Variants in COG6 observed in about 807,000 individuals in gnomAD.
COG6 encodes the protein conserved oligomeric Golgi complex subunit 6.
A neutral mutation model predicts 88.8 loss-of-function variants in COG6; 74 were observed. That is an observed-to-expected ratio of 0.83 (90% CI 0.69 to 1.01). The LOEUF (loss-of-function observed/expected upper bound fraction) is 1.01, where lower values mean the gene tolerates loss of function less well. Ranked by LOEUF, COG6 falls within the 50% of genes least tolerant of loss-of-function variation. The probability of loss-of-function intolerance (pLI) is 0.00; values close to 1 mark genes in which losing one functional copy is unlikely to be tolerated. For synonymous variants in COG6, 286 were observed against 278.7 expected (o/e 1.03, Z -0.26); for missense variants, 800 against 797.9 (o/e 1.00, Z -0.03).
chr13:39,719,950 G>C (rs1878761058), intron 15 of COG6, 123 bp downstream of exon 15: 1 of 704,426 alleles, frequency 1.4e-6, no homozygotes, highest in Non-Finnish European at 2.5e-6. Context: ...GATATCATCT[G>C]ATGAAAGGAC....
In COG6 at chr13:39,719,785, A is replaced by G. The variant is rs374170693; in HGVS notation, c.1542A>G (p.Leu514=). 18 of 1,612,614 alleles carry G rather than the reference A, an allele frequency of 1.1e-5. No individual in the cohort carries two copies. Among genetic ancestry groups the G allele is most frequent in the Non-Finnish European group, 1.4e-5 (17 of 1,179,104 alleles). The change falls in exon 15 of 19, where the codon CTA becomes CTG. Residue 514 remains leucine (L), a synonymous_variant. Coordinates refer to ENST00000455146, the MANE Select transcript of COG6 (RefSeq NM_020751.3). ...SLYMMKTTLA[L]FEFTDRRLEM... ...ATATGATGAAGACAACATTAGCTCT[A>G]TTTGAATTCACTGACAGACGTCTGG...
chr13:39,711,934 A>G (rs543962139), intron 13 of COG6, among the ~76,000 whole-genome samples: 1 of 152,222 alleles, frequency 6.6e-6, no homozygotes, highest in East Asian at 1.9e-4. Flanking sequence ...ATCTCACCTC[A>G]CTACAACCTC....
intron 18 of COG6, among the ~76,000 whole-genome samples, chr13:39,742,124 A>G (rs1256951377): frequency 6.6e-6 from 1 of 152,224 alleles, no homozygotes; most frequent in East Asian, 1.9e-4. Flanking sequence ...GGAAAGGAAC[A>G]GCCGGTACCA....
chr13:39,789,869 A>C (rs1471986639), exon 19 of COG6: 1 of 153,068 alleles, frequency 6.5e-6, no homozygotes, highest in Non-Finnish European at 1.5e-5. Context: ...TGAGAAGAAA[A>C]AAAGAAAATT....
chr13:39,741,494 A>G (rs1438027951), intron 18 of COG6, among the ~76,000 whole-genome samples: 1 of 152,198 alleles, frequency 6.6e-6, no homozygotes. Context: ...GATCAAGTGG[A>G]AGAAAGGGTA....
At chr13:39,765,615 C>A (rs1340430797) in intron 18 of COG6, among the ~76,000 whole-genome samples, 2 of 151,832 alleles carry the variant, frequency 1.3e-5, no homozygotes, top group Admixed American at 6.6e-5. Context: ...AATGTGAATC[C>A]TTTTTTTAAC....
In COG6 at chr13:39,751,265, A is replaced by T. The variant is rs1336887996; in HGVS notation, c.*172A>T. On this transcript the variant is annotated 3_prime_UTR_variant, in exon 19 of 19. Coordinates refer to ENST00000455146, the MANE Select transcript of COG6 (RefSeq NM_020751.3). ...TGGTCTCAGTAACAGGGAAGTAAGT[A>T]ACATGTTGACCTGAGCTAGTATTGC... 6.6e-7 allele frequency: 1 copy of T among 1,514,738 alleles called. No individual in the cohort carries two copies. The highest frequency in any genetic ancestry group is 8.8e-7 in the Non-Finnish European group (1 of 1,135,840). 93.8% of individuals were successfully genotyped at this position (1,514,738 alleles called of 1,614,324 possible).
chr13:39,773,474 G>A (rs201725577), intron 18 of COG6, among the ~76,000 whole-genome samples: 1 of 152,146 alleles, frequency 6.6e-6, no homozygotes, highest in Non-Finnish European at 1.5e-5. Context: ...TAGAAGCTGC[G>A]TATGTTTTAC....
At chr13:39,700,113 T>C (rs1877494999) in intron 13 of COG6, among the ~76,000 whole-genome samples, 1 of 151,918 alleles carries the variant, frequency 6.6e-6, no homozygotes, top group Non-Finnish European at 1.5e-5. Flanking sequence ...CAAAGAGTCC[T>C]GTAAGATCTA....
At chr13:39,696,716 A>G (rs1877295136) in intron 12 of COG6, among the ~76,000 whole-genome samples, 1 of 151,530 alleles carries the variant, frequency 6.6e-6, no homozygotes, top group Admixed American at 6.6e-5. Context: ...CTGAGTGGAT[A>G]AGATTGGGGA....
chr13:39,736,043 C>A (rs973293370), intron 18 of COG6, among the ~76,000 whole-genome samples: 1 of 152,040 alleles, frequency 6.6e-6, no homozygotes, highest in African/African-American at 2.4e-5. Context: ...ATATTGATAT[C>A]TTTCTCTAGG....
chr13:39,665,565 A>G (rs1875198339), intron 4 of COG6, among the ~76,000 whole-genome samples: 1 of 152,164 alleles, frequency 6.6e-6, no homozygotes, highest in South Asian at 2.1e-4. Flanking sequence ...TGTAGTTTAT[A>G]CAATAGGTAT....
intron 15 of COG6, among the ~76,000 whole-genome samples, chr13:39,722,895 T>A (rs7984958): frequency 0.4 from 60,174 of 151,862 alleles, 12,294 homozygotes; most frequent in Admixed American, 0.54. Flanking sequence ...ACCTGAGCTG[T>A]AGTGGGATTT....
chr13:39,688,532 A>G (rs1235333593), intron 10 of COG6, among the ~76,000 whole-genome samples: 2 of 152,148 alleles, frequency 1.3e-5, no homozygotes, highest in African/African-American at 4.8e-5. Flanking sequence ...ACTTTTAAGC[A>G]ACGCTGACTA....
intron 18 of COG6, among the ~76,000 whole-genome samples, chr13:39,774,356 A>G (rs1881403034): frequency 6.6e-6 from 1 of 152,206 alleles, no homozygotes; most frequent in African/African-American, 2.4e-5. Flanking sequence ...CATTGTTTTA[A>G]AAAACAAATA....
chr13:39,774,026 C>T (rs756049748), intron 18 of COG6, among the ~76,000 whole-genome samples: 1 of 152,090 alleles, frequency 6.6e-6, no homozygotes, highest in African/African-American at 2.4e-5. Flanking sequence ...AACTGCCCCA[C>T]AGTCACAGAT....
At chr13:39,687,677 G>A (rs199578874) in intron 9 of COG6, 31 bp from the exon 10 acceptor site, 1 of 1,613,846 alleles carries the variant, frequency 6.2e-7, no homozygotes, top group Non-Finnish European at 8.5e-7. Flanking sequence ...TTTTCCAAAG[G>A]AAATCTTCAT....
intron 18 of COG6, among the ~76,000 whole-genome samples, chr13:39,759,093 G>A (rs1880934858): frequency 6.6e-6 from 1 of 152,168 alleles, no homozygotes; most frequent in Non-Finnish European, 1.5e-5. Flanking sequence ...GGAAGAGACA[G>A]CTAACAGGTA....
At chr13:39,683,876 G>T (rs534658759) in intron 8 of COG6, among the ~76,000 whole-genome samples, 1 of 152,198 alleles carries the variant, frequency 6.6e-6, no homozygotes, top group Non-Finnish European at 1.5e-5. Context: ...ATATTAAATG[G>T]CTATAAGGTG....
Sources: allele counts gnomAD v4.1 joint callset (sites outside exome capture counted in the v4.1 genomes callset), GRCh38; gene constraint gnomAD v4.1.1; transcripts MANE v1.5; gene names NCBI Gene and HGNC (gene_info 2026-07-23, HGNC 2026-07-21).